Variants in CYBRD1 observed in about 807,000 individuals in gnomAD.
The protein encoded by CYBRD1 is plasma membrane ascorbate-dependent reductase CYBRD1.
Under a neutral mutation model 21.9 loss-of-function variants are expected in CYBRD1, and 14 were observed. The ratio of observed to expected loss-of-function variants is 0.64; its 90% CI spans 0.42 to 1.00. The LOEUF is 1.00. Among genes scored for constraint, CYBRD1 ranks in the 50% least tolerant of loss-of-function variants. CYBRD1 has a pLI of 0.00. For missense variants in CYBRD1, 328 were observed against 352.5 expected, an observed-to-expected ratio of 0.93 and a Z score of 0.56; for synonymous variants, 146 against 136.5, an observed-to-expected ratio of 1.07 and a Z score of -0.48.
chr2:171,549,810 T>G (rs1366638901), intron 2 of CYBRD1, among the ~76,000 whole-genome samples: 2 of 152,278 alleles, frequency 1.3e-5, no homozygotes, highest in Admixed American at 6.5e-5. Flanking sequence ...AACAGCTTCC[T>G]GTAGGTGATG....
At chr2:171,528,369 G>T (rs1412951450) in intron 1 of CYBRD1, among the ~76,000 whole-genome samples, 1 of 152,170 alleles carries the variant, frequency 6.6e-6, no homozygotes, top group Non-Finnish European at 1.5e-5. Context: ...AGAAGTGTGA[G>T]CCACCACGTC....
chr2:171,545,552 T>A (rs1452532093), intron 2 of CYBRD1, among the ~76,000 whole-genome samples: 4 of 149,038 alleles, frequency 2.7e-5, no homozygotes, highest in Admixed American at 2.7e-4. Context: ...CTAATTTTTT[T>A]TTTTTTTTTT....
At chr2:171,546,708 G>T (rs944383584) in intron 2 of CYBRD1, among the ~76,000 whole-genome samples, 2 of 152,100 alleles carry the variant, frequency 1.3e-5, no homozygotes, top group African/African-American at 2.4e-5. Context: ...GTTCTGGGAG[G>T]CCTCTCATAT....
Position 171,522,590 on chromosome 2 carries a change from G to T in CYBRD1, c.45G>T (p.Ser15=), listed in dbSNP as rs565938208. The change falls in exon 1 of 4, where the codon TCG becomes TCT. Residue 15 remains serine, a synonymous_variant. Transcript: ENST00000321348. The surrounding 1 kb of genome is among the most constrained non-coding windows in gnomAD (Gnocchi z 4.3). ...GGCGCTTCCTGGCGCTGCTGGGGTC[G>T]GCACTGCTCGTCGGCTTCCTGTCGG... ...GYWRFLALLG[S]ALLVGFLSVI... 1.9e-6 allele frequency: 3 copies of T among 1,611,728 alleles called. No individual in the cohort carries two copies. The highest frequency in any genetic ancestry group is 2.5e-6 in the Non-Finnish European group (3 of 1,179,364).
At chr2:171,524,185 TCGG>T (rs1697352188) in intron 1 of CYBRD1, among the ~76,000 whole-genome samples, 1 of 25,360 alleles carries the variant, frequency 3.9e-5, no homozygotes, top group Non-Finnish European at 7.4e-5. Flanking sequence ...TGGTGTGAGA[TCGG>T]CATCAGGGTG....
Position 171,557,045 on chromosome 2 carries a change from C to T in CYBRD1, c.*2218C>T, listed in dbSNP as rs1683499160. The T allele has an allele frequency of 6.6e-6, 1 of 152,610 alleles. No homozygotes were observed. The highest frequency in any genetic ancestry group is 2.1e-4 in the South Asian group (1 of 4,836). The allele number at this position is 152,610 out of a possible 1,614,324, so 9.5% of individuals were successfully genotyped here. On this transcript the variant is annotated 3_prime_UTR_variant, in exon 4 of 4. Coordinates refer to ENST00000321348, the MANE Select transcript of CYBRD1 (RefSeq NM_024843.4). ...CAAAGTATTTAAGCACCCCCCATCTCAGCCCTTTATTTTATCTTTCATGTG... is the reference window on the plus strand; with the variant it reads ...CAAAGTATTTAAGCACCCCCCATCTTAGCCCTTTATTTTATCTTTCATGTG...
At chr2:171,524,514 C>T (rs1477182452) in intron 1 of CYBRD1, among the ~76,000 whole-genome samples, 3 of 152,268 alleles carry the variant, frequency 2.0e-5, no homozygotes, top group African/African-American at 4.8e-5. Flanking sequence ...TGTTATTGCT[C>T]GTTGCCTGAC....
At chr2:171,528,742 A>G (rs978038856) in intron 1 of CYBRD1, among the ~76,000 whole-genome samples, 3 of 152,180 alleles carry the variant, frequency 2.0e-5, no homozygotes, top group Admixed American at 6.5e-5. Context: ...TGAATATCAG[A>G]TAGGCATGTC....
intron 2 of CYBRD1, among the ~76,000 whole-genome samples, chr2:171,544,942 C>T (rs1351990001): frequency 6.6e-6 from 1 of 151,834 alleles, no homozygotes. Context: ...AGTTCCAGAC[C>T]AGCCTGGGAA....
At chr2:171,523,010 G>A (rs1183872139) in intron 1 of CYBRD1, 22 of 500,704 alleles carry the variant, frequency 4.4e-5, no homozygotes, top group African/African-American at 3.1e-4. Context: ...CGGCGGAGCG[G>A]GGCCGGCCCC....
At chr2:171,531,476 CTTGCTCTGT>C (rs1697466050) in intron 1 of CYBRD1, among the ~76,000 whole-genome samples, 2 of 152,052 alleles carry the variant, frequency 1.3e-5, no homozygotes, top group South Asian at 4.2e-4. Context: ...GATACAGGGT[CTTGCTCTGT>C]CAGCCAGGCT....
chr2:171,543,244 G>C (rs1697662854), intron 2 of CYBRD1, among the ~76,000 whole-genome samples: 1 of 152,204 alleles, frequency 6.6e-6, no homozygotes, highest in Non-Finnish European at 1.5e-5. Flanking sequence ...CCAGGGCTCT[G>C]ATTGGGAGAC....
Position 171,557,308 on chromosome 2 carries a change from G to C in CYBRD1, c.*2481G>C, listed in dbSNP as rs1044957403. 6.6e-6 allele frequency: 1 copy of C among 151,934 alleles called. No homozygotes were observed. Among genetic ancestry groups the C allele is most frequent in the East Asian group, 1.9e-4 (1 of 5,192 alleles). 9.4% of individuals were successfully genotyped at this position (151,934 alleles called of 1,614,324 possible). ...AATAATAGGGGAGAAGAAAGCCTTA[G>C]GTATCAATTCCAAAACAGTGATTGA... is the stretch of plus-strand genomic sequence containing the variant. On this transcript the variant is annotated 3_prime_UTR_variant, in exon 4 of 4. Transcript: ENST00000321348.
Position 171,534,566 on chromosome 2 carries a change from C to T in CYBRD1, c.194-7019C>T, listed in dbSNP as rs182664708. 7.9e-5 allele frequency among the ~76,000 whole-genome samples: 12 copies of T among 152,244 alleles called. No individual in the cohort carries two copies. The East Asian group carries it at 2.1e-3, about 27-fold the overall frequency. Reference sequence around the variant, plus strand: ...TGCAAATGCAACATTTTGCATTTATCCTTCATTTATCCAGAGAGCATTTTG... The same window carrying T: ...TGCAAATGCAACATTTTGCATTTATTCTTCATTTATCCAGAGAGCATTTTG... On this transcript the variant is annotated intron_variant, in intron 1 of 3. Coordinates refer to ENST00000321348, the MANE Select transcript of CYBRD1 (RefSeq NM_024843.4).
intron 1 of CYBRD1, among the ~76,000 whole-genome samples, chr2:171,538,923 A>C (rs571460181): frequency 6.6e-6 from 1 of 152,026 alleles, no homozygotes; most frequent in East Asian, 1.9e-4. Context: ...TCAGCCTCCC[A>C]AGTAGCTGGG....
At chr2:171,523,348 C>T in intron 1 of CYBRD1, 1 of 349,386 alleles carries the variant, frequency 2.9e-6, no homozygotes, top group Admixed American at 4.1e-5. Context: ...AGTGAAGCAT[C>T]CGCCCTGGGT....
At chr2:171,541,895 C>T (rs1697640686) in intron 2 of CYBRD1, 102 bp downstream of exon 2, 6 of 1,044,580 alleles carry the variant, frequency 5.7e-6, no homozygotes, top group African/African-American at 3.6e-5. Context: ...GACAGAGTCT[C>T]GCTTAGCCAC....
chr2:171,552,544 A>T (rs1327277371), intron 2 of CYBRD1, among the ~76,000 whole-genome samples: 2 of 152,178 alleles, frequency 1.3e-5, no homozygotes, highest in African/African-American at 4.8e-5. Flanking sequence ...GGTAGATCCT[A>T]AATAGGCATC....
intron 1 of CYBRD1, among the ~76,000 whole-genome samples, chr2:171,534,493 A>G (rs539948477): frequency 6.6e-6 from 1 of 152,304 alleles, no homozygotes; most frequent in African/African-American, 2.4e-5. Flanking sequence ...CCCAAAGTCC[A>G]CCATATTTCA....
Sources: allele counts gnomAD v4.1 joint callset (sites outside exome capture counted in the v4.1 genomes callset), GRCh38; gene constraint gnomAD v4.1.1; non-coding constraint Gnocchi (gnomAD v3.1); transcripts MANE v1.5; gene names NCBI Gene and HGNC (gene_info 2026-07-23, HGNC 2026-07-21).